Variants in CSMD1 observed in about 807,000 individuals in gnomAD.
CSMD1 encodes CUB and Sushi multiple domains 1.
CSMD1 carries 213 observed loss-of-function variants against 417.5 expected under a neutral mutation model. The observed-to-expected ratio is 0.51, with a 90% CI of 0.46 to 0.57. CSMD1 has a LOEUF of 0.57. Ranked by LOEUF, CSMD1 falls within the 20% of genes least tolerant of loss-of-function variation. The pLI is 0.00. For missense variants in CSMD1, 6,923 were observed against 4,529.7 expected (o/e 1.53, Z -15.17); for synonymous variants, 2,862 against 1,736.8 (o/e 1.65, Z -16.11).
chr8:4,677,455 C>T, intron 1 of CSMD1, among the ~76,000 whole-genome samples: 1 of 152,194 alleles, frequency 6.6e-6, no homozygotes, highest in East Asian at 1.9e-4. Context: ...TGTTTCAACA[C>T]ACTACAATTT....
chr8:4,251,329 G>A (rs1436278872), intron 3 of CSMD1, among the ~76,000 whole-genome samples: 1 of 152,068 alleles, frequency 6.6e-6, no homozygotes. Flanking sequence ...TTTGCATTAT[G>A]CCACATTTAA....
intron 10 of CSMD1, among the ~76,000 whole-genome samples, chr8:3,534,351 G>T (rs1798103474): frequency 6.6e-6 from 1 of 151,904 alleles, no homozygotes; most frequent in African/African-American, 2.4e-5. Flanking sequence ...ACTCCTCTCA[G>T]TTCTCTTTAA....
intron 3 of CSMD1, among the ~76,000 whole-genome samples, chr8:4,196,089 T>C (rs1453260169): frequency 2.6e-5 from 4 of 152,038 alleles, no homozygotes; most frequent in South Asian, 4.2e-4. Flanking sequence ...CGGGCGCCTG[T>C]AGTCCCAGCT....
chr8:3,285,494 C>T (rs1288782409), intron 25 of CSMD1, among the ~76,000 whole-genome samples: 3 of 151,408 alleles, frequency 2.0e-5, no homozygotes, highest in Non-Finnish European at 4.4e-5. Context: ...TCAAGTGATT[C>T]TCCTGCCTCA....
chr8:4,902,683 G>A (rs763087377), intron 1 of CSMD1, among the ~76,000 whole-genome samples: 1 of 151,888 alleles, frequency 6.6e-6, no homozygotes, highest in African/African-American at 2.4e-5. Context: ...CTTTTGAATA[G>A]GTGATATACG....
chr8:3,369,049 G>A (rs1288532615), intron 19 of CSMD1, among the ~76,000 whole-genome samples: 1 of 152,166 alleles, frequency 6.6e-6, no homozygotes, highest in Non-Finnish European at 1.5e-5. Flanking sequence ...GATAAACAGA[G>A]AGCAAAACGG....
chr8:4,414,772 G>A (rs576251777), intron 3 of CSMD1, among the ~76,000 whole-genome samples: 1 of 152,120 alleles, frequency 6.6e-6, no homozygotes, highest in African/African-American at 2.4e-5. Context: ...ATATTTTTGA[G>A]TATGTATCAT....
chr8:4,921,278 G>C (rs557457478), intron 1 of CSMD1, among the ~76,000 whole-genome samples: 2 of 152,126 alleles, frequency 1.3e-5, no homozygotes, highest in Non-Finnish European at 2.9e-5. Context: ...GCCAATCTGA[G>C]TGGGGGTGCT....
At chr8:4,124,031 T>G (rs951024443) in intron 3 of CSMD1, among the ~76,000 whole-genome samples, 7 of 152,142 alleles carry the variant, frequency 4.6e-5, no homozygotes, top group Admixed American at 3.9e-4. Context: ...TTTTTTTTTC[T>G]ACATTGCATT....
At chr8:3,586,031 C>G in intron 9 of CSMD1, 105 bp downstream of exon 9, 1 of 1,183,564 alleles carries the variant, frequency 8.4e-7, no homozygotes, top group Non-Finnish European at 1.2e-6. Context: ...CTACCGAATT[C>G]TACTCTTCCC....
intron 2 of CSMD1, among the ~76,000 whole-genome samples, chr8:4,554,034 C>G (rs554856623): frequency 1.3e-5 from 2 of 152,322 alleles, no homozygotes; most frequent in East Asian, 1.9e-4. Context: ...GCCCAGTGTT[C>G]CACATTATAT....
At position 3,018,565 on chromosome 8, in the gene CSMD1, C is replaced by G. The variant is rs1375835432; in HGVS notation, c.7941G>C (p.Thr2647=). 1 of 1,613,538 alleles carries G rather than the reference C, an allele frequency of 6.2e-7. No homozygotes were observed. Among genetic ancestry groups the G allele is most frequent in the African/African-American group, 1.3e-5 (1 of 74,910 alleles). The change falls in exon 52 of 70, where the codon ACG becomes ACC. Residue 2647 remains threonine, a synonymous_variant. Coordinates refer to ENST00000635120, the MANE Select transcript of CSMD1 (RefSeq NM_033225.6). ...CCACAAGCGTGTAGCCGGTGTTGCA[C>G]GTAAATATAGCTGTGGCCCCATAAA... ...LTVYGATAIF[T]CNTGYTLVGS...
At chr8:3,250,006 T>A (rs1180870637) in intron 26 of CSMD1, among the ~76,000 whole-genome samples, 1 of 152,240 alleles carries the variant, frequency 6.6e-6, no homozygotes, top group African/African-American at 2.4e-5. Context: ...TAGGTTATTA[T>A]AAAAGGTAGC....
chr8:4,670,566 T>G (rs1208998425), intron 1 of CSMD1, among the ~76,000 whole-genome samples: 1 of 152,188 alleles, frequency 6.6e-6, no homozygotes, highest in African/African-American at 2.4e-5. Context: ...ACCCTTAATA[T>G]AAAAATAAAG....
chr8:4,023,490 C>T (rs184075085), intron 4 of CSMD1, among the ~76,000 whole-genome samples: 68 of 152,018 alleles, frequency 4.5e-4, no homozygotes, highest in Middle Eastern at 3.4e-3. Context: ...GTTGGAATCA[C>T]AGAAGAGGAA....
chr8:2,987,136 G>A (rs1042940506), intron 54 of CSMD1, among the ~76,000 whole-genome samples: 2 of 151,874 alleles, frequency 1.3e-5, no homozygotes, highest in Non-Finnish European at 2.9e-5. Flanking sequence ...ATATTTTACT[G>A]ATAAAATAAT....
intron 1 of CSMD1, among the ~76,000 whole-genome samples, chr8:4,640,200 A>G (rs1226949431): frequency 1.3e-5 from 2 of 152,236 alleles, no homozygotes; most frequent in Non-Finnish European, 2.9e-5. Context: ...AATGAGTCAC[A>G]TTTGATCCAT....
intron 2 of CSMD1, among the ~76,000 whole-genome samples, chr8:4,505,996 A>G (rs1270112773): frequency 6.6e-6 from 1 of 151,888 alleles, no homozygotes; most frequent in Non-Finnish European, 1.5e-5. Flanking sequence ...TGGGGTGTCA[A>G]TATGTTGCCC....
At chr8:4,733,959 A>T (rs1810061522) in intron 1 of CSMD1, among the ~76,000 whole-genome samples, 1 of 152,244 alleles carries the variant, frequency 6.6e-6, no homozygotes, top group South Asian at 2.1e-4. Flanking sequence ...GTATGAAGTT[A>T]GAATTATGCC....
Sources: allele counts gnomAD v4.1 joint callset (sites outside exome capture counted in the v4.1 genomes callset), GRCh38; gene constraint gnomAD v4.1.1; transcripts MANE v1.5; gene names NCBI Gene and HGNC (gene_info 2026-07-23, HGNC 2026-07-21).